Variants in MUC6 observed in about 807,000 individuals in gnomAD.
MUC6 encodes the protein mucin-6.
MUC6 carries 188 observed loss-of-function variants against 201.5 expected under a neutral mutation model. The ratio of observed to expected loss-of-function variants is 0.93; its 90% CI spans 0.83 to 1.05. MUC6 has a LOEUF of 1.05. MUC6 is among the 50% of genes least tolerant of loss of function. The pLI, the probability that MUC6 is intolerant of heterozygous loss-of-function variation, is 0.00. For missense variants in MUC6, 2,706 were observed against 3,256.9 expected (o/e 0.83, Z 4.12); for synonymous variants, 1,228 against 1,389.4 (o/e 0.88, Z 2.58).
chr11:1,026,274 T>C lies in MUC6; in HGVS notation c.2546+53A>G. ...AGCCCCACCCCGGGCAGCCTCCGCC[T>C]GCCCCAGATGGCCCCAGGAGCCCAG... On this transcript the variant is annotated intron_variant, in intron 20 of 32. Coordinates refer to ENST00000421673, the MANE Select transcript of MUC6 (RefSeq NM_005961.3). 4.5e-6 allele frequency: 7 copies of C among 1,548,538 alleles called. No homozygotes were observed. The South Asian group carries it at 6.1e-5, about 14-fold the overall frequency.
intron 1 of MUC6, among the ~76,000 whole-genome samples, chr11:1,035,194 C>T (rs114161797): frequency 0.024 from 3,601 of 152,338 alleles, 157 homozygotes; most frequent in African/African-American, 0.081. Context: ...GCAGAGATGG[C>T]GCTCAGAGAT....
chr11:1,024,706 T>TG, intron 24 of MUC6, 138 bp downstream of exon 24: 3 of 1,384,318 alleles, frequency 2.2e-6, no homozygotes, highest in Non-Finnish European at 2.9e-6. Context: ...GCAGAGGGTC[T>TG]GAAACTCTCT....
In MUC6 at chr11:1,018,561, T is replaced by TCCC. The variant is rs750377203; in HGVS notation, c.4237_4239dup (p.Gly1413dup). On this transcript the variant is annotated inframe_insertion, in exon 31 of 33. Coordinates refer to ENST00000421673, the MANE Select transcript of MUC6 (RefSeq NM_005961.3). ...ACAGGACCTGTGGAAGGGACGGGAC[T>TCCC]CCCCGCCGTAGGCGGGGAGTGTGTG... is the stretch of plus-strand genomic sequence containing the variant. 1.9e-6 allele frequency: 3 copies of TCCC among 1,611,030 alleles called. No individual in the cohort carries two copies. The highest frequency in any genetic ancestry group is 2.5e-6 in the Non-Finnish European group (3 of 1,178,650).
chr11:1,022,260 G>A (rs1435267993), intron 26 of MUC6, among the ~76,000 whole-genome samples: 2 of 131,496 alleles, frequency 1.5e-5, no homozygotes, highest in South Asian at 2.5e-4. Context: ...CTGCAGCCCC[G>A]CGCCCCACTC....
chr11:1,032,370 G>A (rs1326369076), intron 2 of MUC6, among the ~76,000 whole-genome samples: 1 of 151,258 alleles, frequency 6.6e-6, no homozygotes, highest in African/African-American at 2.4e-5. Flanking sequence ...CATTGTGGGT[G>A]TGTGTGTGTT....
Position 1,026,365 on chromosome 11 carries a change from GTA to G in MUC6, c.2506_2507del (p.Tyr836ProfsTer5). ...CAGTGTGGAGCTCAGCTCCTCCAGG[GTA>G]GGAGACCCCCGAGAACTCACATGGG... ...ECPCEFSGVS[Y>X]PGGAELHTDC... is the part of the protein sequence containing the mutation. On this transcript the variant is annotated frameshift_variant, in exon 20 of 33. Coordinates refer to ENST00000421673, the MANE Select transcript of MUC6 (RefSeq NM_005961.3). LOFTEE classifies it high-confidence loss of function. 6.2e-7 allele frequency: 1 copy of G among 1,602,544 alleles called. No homozygotes were observed.
intron 20 of MUC6, 51 bp downstream of exon 20, chr11:1,026,275 GC>G: frequency 1.3e-6 from 2 of 1,547,214 alleles, no homozygotes. Flanking sequence ...GCCTCCGCCT[GC>G]CCCAGATGGC....
chr11:1,024,363 A>G (rs560771579), intron 24 of MUC6, among the ~76,000 whole-genome samples: 1 of 152,320 alleles, frequency 6.6e-6, no homozygotes, highest in South Asian at 2.1e-4. Flanking sequence ...AACCACGGCC[A>G]CTGCAGTCCC....
rs774182631 is a variant in MUC6 at position 1,016,155 on chromosome 11, T to C, written c.6646A>G (p.Ile2216Val). The change falls in exon 31 of 33, where the codon ATC becomes GTC. Residue 2216 changes from isoleucine (I) to valine (V), a missense_variant. Coordinates refer to ENST00000421673, the MANE Select transcript of MUC6 (RefSeq NM_005961.3). ...TTIRATLPHT[I>V]SSPFTLSALL... ...GCAGAGAGGGTGAAAGGAGAGGAGA[T>C]AGTGTGGGGGAGAGTGGCCCTAATG... The C allele has an allele frequency of 8.7e-6, 14 of 1,605,546 alleles. No individual in the cohort carries two copies. The South Asian group carries it at 1.2e-4, about 14-fold the overall frequency.
rs1856602114 is a variant in MUC6 at position 1,016,116 on chromosome 11, A to C, written c.6685T>G (p.Ser2229Ala). The C allele has an allele frequency of 6.2e-7, 1 of 1,613,318 alleles. No homozygotes were observed. The highest frequency in any genetic ancestry group is 1.3e-5 in the African/African-American group (1 of 74,806). ...PFTLSALLPI[S>A]TVTVSPTPSS... ...GGGGTGGGAGACACGGTAACAGTGGATATGGGGAGTAGAGCAGAGAGGGTG... is the reference window on the plus strand; with the variant it reads ...GGGGTGGGAGACACGGTAACAGTGGCTATGGGGAGTAGAGCAGAGAGGGTG... Residue 2229 changes from serine to alanine, a missense_variant, in exon 31 of 33, where the codon TCC becomes GCC. Coordinates refer to ENST00000421673, the MANE Select transcript of MUC6 (RefSeq NM_005961.3).
At chr11:1,028,188 G>C in intron 14 of MUC6, 38 bp downstream of exon 14, 1 of 1,541,538 alleles carries the variant, frequency 6.5e-7, no homozygotes, top group Non-Finnish European at 8.8e-7. Flanking sequence ...TGTGGGCGCT[G>C]GGGGGGCAGC....
In MUC6 at chr11:1,031,251, C is replaced by T. The variant is rs1321251924; in HGVS notation, c.492G>A (p.Val164=). 1.3e-6 allele frequency: 2 copies of T among 1,572,296 alleles called. No individual in the cohort carries two copies. The highest frequency in any genetic ancestry group is 2.4e-5 in the East Asian group (1 of 42,126). The change falls in exon 5 of 33, where the codon GTG becomes GTA. Residue 164 remains valine, a synonymous_variant. Coordinates refer to ENST00000421673, the MANE Select transcript of MUC6 (RefSeq NM_005961.3). ...ACATCTGACCCATGTACTTCCGCTC[C>T]ACCAGAACCTGCGGGAGACGGCTCT... The part of the protein sequence containing the change: ...WGPDSHLMVL[V]ERKYMGQMCG...
chr11:1,026,053 A>T lies in MUC6; in HGVS notation c.2635T>A (p.Phe879Ile). Residue 879 changes from phenylalanine to isoleucine, a missense_variant, in exon 21 of 33, where the codon TTC becomes ATC. Transcript: ENST00000421673. ...TLYGEGHVIT[F>I]DGQRFVFDGN... is the part of the protein sequence containing the mutation. ...TCGAATACGAAGCGCTGGCCGTCGA[A>T]GGTGATGACGTGGCCCTCCCCGTAG... 1.3e-6 allele frequency: 2 copies of T among 1,594,280 alleles called. No homozygotes were observed. Among genetic ancestry groups the T allele is most frequent in the Non-Finnish European group, 8.5e-7 (1 of 1,170,800 alleles).
chr11:1,032,123 A>AT (rs1857121245), intron 2 of MUC6, 70 bp from the exon 3 acceptor site: 3 of 1,575,436 alleles, frequency 1.9e-6, no homozygotes, highest in African/African-American at 1.3e-5. Context: ...TGGGGCAGGC[A>AT]GAGAGGTCAC....
At chr11:1,030,866 C>T (rs888675690) in intron 6 of MUC6, 81 bp downstream of exon 6, 19 of 1,526,586 alleles carry the variant, frequency 1.2e-5, no homozygotes, top group African/African-American at 8.3e-5. Context: ...GTCTGTGATG[C>T]GGCTGCTTGT....
chr11:1,020,412 G>A (rs1202851941), intron 28 of MUC6, among the ~76,000 whole-genome samples, 155 bp from the exon 29 acceptor site: 1 of 152,184 alleles, frequency 6.6e-6, no homozygotes, highest in African/African-American at 2.4e-5. Flanking sequence ...AGTGCAGCCT[G>A]GCTCCTGGCT....
At chr11:1,032,404 A>C (rs1220962653) in intron 2 of MUC6, among the ~76,000 whole-genome samples, 2 of 151,016 alleles carry the variant, frequency 1.3e-5, no homozygotes, top group Admixed American at 6.6e-5. Context: ...GGCGTGTGAG[A>C]TATACACCTG....
intron 7 of MUC6, 31 bp from the exon 8 acceptor site, chr11:1,030,366 T>TCCCACCCCCCCCACCCCTCCCTGC (rs779222115): frequency 5.6e-5 from 84 of 1,491,038 alleles, no homozygotes; most frequent in Middle Eastern, 2.4e-4. Context: ...GGTGAGAGGG[T>TCCCACCCCCCCCACCCCTCCCTGC]CCCACCCCCC....
intron 30 of MUC6, 43 bp from the exon 31 acceptor site, chr11:1,018,813 C>A: frequency 2.0e-6 from 3 of 1,527,480 alleles, no homozygotes; most frequent in Non-Finnish European, 1.7e-6. Flanking sequence ...GTTTTTGTTT[C>A]TCTACCCTGA....
Sources: gnomAD v4.1 joint callset for allele counts (sites outside exome capture counted in the v4.1 genomes callset) on GRCh38, gnomAD v4.1.1 for gene constraint, MANE v1.5 for transcripts, NCBI Gene and HGNC (gene_info 2026-07-23, HGNC 2026-07-21) for gene names.